SLK: variants seen among roughly 807,000 people sequenced by gnomAD.
SLK encodes the protein STE20 like kinase, also known as STE20-like serine/threonine-protein kinase.
A neutral mutation model predicts 147.7 loss-of-function variants in SLK; 67 were observed. That is an observed-to-expected ratio of 0.45 (90% CI 0.37 to 0.56). The LOEUF (loss-of-function observed/expected upper bound fraction) is 0.56, where lower values mean the gene tolerates loss of function less well. SLK is among the 20% of genes least tolerant of loss of function. The pLI, the probability that SLK is intolerant of heterozygous loss-of-function variation, is 0.00. For synonymous variants in SLK, 441 were observed against 475.0 expected (o/e 0.93, Z 0.93); for missense variants, 1,136 against 1,438.8 (o/e 0.79, Z 3.41).
At chr10:103,987,860 G>C (rs1197290467) in intron 1 of SLK, among the ~76,000 whole-genome samples, 1 of 152,174 alleles carries the variant, frequency 6.6e-6, no homozygotes, top group African/African-American at 2.4e-5. Context: ...AATATGGGGA[G>C]ACTGGAAAGG....
intron 1 of SLK, among the ~76,000 whole-genome samples, chr10:103,971,633 A>G (rs1412260618): frequency 6.6e-6 from 1 of 152,250 alleles, no homozygotes; most frequent in East Asian, 1.9e-4. Flanking sequence ...TATGAATTGA[A>G]TTGCATTTCT....
intron 1 of SLK, among the ~76,000 whole-genome samples, chr10:103,978,565 C>G (rs1200660275): frequency 1.3e-5 from 2 of 151,590 alleles, no homozygotes; most frequent in African/African-American, 2.4e-5. Context: ...TATTTTTTTT[C>G]CTTAAAGAGC....
intron 1 of SLK, among the ~76,000 whole-genome samples, chr10:103,980,405 G>A (rs1017387730): frequency 4.6e-5 from 7 of 152,072 alleles, no homozygotes; most frequent in Admixed American, 2.6e-4. Context: ...AAATACATTC[G>A]TAATGTGCAA....
At chr10:104,014,759 T>G (rs1162753412) in intron 13 of SLK, among the ~76,000 whole-genome samples, 4 of 152,190 alleles carry the variant, frequency 2.6e-5, no homozygotes, top group African/African-American at 9.6e-5. Flanking sequence ...ATGATAAAAT[T>G]GTTTATCCAC....
At chr10:104,020,949 T>G (rs1218233126) in intron 17 of SLK, among the ~76,000 whole-genome samples, 1 of 152,224 alleles carries the variant, frequency 6.6e-6, no homozygotes, top group African/African-American at 2.4e-5. Context: ...TGTCATATTC[T>G]GAATTTTTTG....
chr10:103,986,540 T>G (rs1311406306), intron 1 of SLK, among the ~76,000 whole-genome samples: 1 of 152,190 alleles, frequency 6.6e-6, no homozygotes, highest in Non-Finnish European at 1.5e-5. Flanking sequence ...GAAGCTTTGC[T>G]TACTTGCCTG....
intron 4 of SLK, among the ~76,000 whole-genome samples, chr10:103,996,715 G>A (rs570711302): frequency 5.3e-5 from 8 of 152,134 alleles, no homozygotes; most frequent in South Asian, 2.1e-4. Flanking sequence ...TATTATGCTC[G>A]TACAATATTC....
At chr10:103,977,228 A>G (rs1018860855) in intron 1 of SLK, among the ~76,000 whole-genome samples, 2 of 152,174 alleles carry the variant, frequency 1.3e-5, no homozygotes, top group African/African-American at 2.4e-5. Context: ...AGGTATTTTT[A>G]AATTAGAAAA....
rs1293279332 is a variant in SLK at position 104,019,752 on chromosome 10, C to T, written c.3151C>T (p.Arg1051Cys). The change falls in exon 16 of 19, where the codon CGT becomes TGT. Residue 1051 changes from arginine (R) to cysteine (C), a missense_variant. Coordinates refer to ENST00000369755, the MANE Select transcript of SLK (RefSeq NM_014720.4). ...RHEKETEQMQ[R>C]YNQRLIEELK... ...TTCATAGGAAACAGAGCAAATGCAG[C>T]GTTACAATCAAAGACTTATTGAGGA... is the stretch of plus-strand genomic sequence containing the variant. 4 of 1,613,588 alleles carry T rather than the reference C, an allele frequency of 2.5e-6. No individual in the cohort carries two copies. The highest frequency in any genetic ancestry group is 1.7e-5 in the Admixed American group (1 of 59,980).
At chr10:103,990,136 C>T (rs938342186) in intron 1 of SLK, among the ~76,000 whole-genome samples, 90 of 152,060 alleles carry the variant, frequency 5.9e-4, no homozygotes, top group Non-Finnish European at 8.7e-4. Flanking sequence ...AAAGCAAAAG[C>T]AAAACTATGG....
At chr10:103,979,296 C>T (rs972482309) in intron 1 of SLK, among the ~76,000 whole-genome samples, 9 of 152,308 alleles carry the variant, frequency 5.9e-5, no homozygotes, top group Admixed American at 5.9e-4. Flanking sequence ...GGATTATAGG[C>T]GTGAGCCACC....
intron 4 of SLK, among the ~76,000 whole-genome samples, chr10:103,996,230 T>C (rs867622916): frequency 6.6e-6 from 1 of 152,254 alleles, no homozygotes; most frequent in South Asian, 2.1e-4. Flanking sequence ...GCATCTGAAA[T>C]ATGTTACTCT....
In SLK at chr10:104,002,836, A is replaced by C; in HGVS notation, c.1658A>C (p.Glu553Ala). 1 of 1,614,086 alleles carries C rather than the reference A, an allele frequency of 6.2e-7. No individual in the cohort carries two copies. The highest frequency in any genetic ancestry group is 8.5e-7 in the Non-Finnish European group (1 of 1,179,942). The stretch of plus-strand genomic sequence containing the variant: ...ACAAGTGATGTGATAGGAACATGTG[A>C]GGCAGCAGATGTGGCTCAGAAAGTG... ...SNTSDVIGTCEAADVAQKVDE... is the reference protein window; with the variant it reads ...SNTSDVIGTCAAADVAQKVDE... The change falls in exon 9 of 19, where the codon GAG becomes GCG. Residue 553 changes from glutamate to alanine, a missense_variant. Coordinates refer to ENST00000369755, the MANE Select transcript of SLK (RefSeq NM_014720.4).
At chr10:104,016,285 T>C (rs568467595) in intron 13 of SLK, among the ~76,000 whole-genome samples, 346 of 151,796 alleles carry the variant, frequency 2.3e-3, no homozygotes, top group Non-Finnish European at 3.8e-3. Flanking sequence ...TGCCACTGCA[T>C]TCCAGCCTGG....
chr10:104,000,024 T>G (rs1425310664), intron 7 of SLK, 76 bp downstream of exon 7: 4 of 658,716 alleles, frequency 6.1e-6, no homozygotes, highest in Non-Finnish European at 2.5e-6. Context: ...CAGTGTGCTT[T>G]CTTTCCACTT....
intron 16 of SLK, 30 bp from the exon 17 acceptor site, chr10:104,020,458 C>T (rs751508803): frequency 2.4e-5 from 39 of 1,595,642 alleles, no homozygotes; most frequent in East Asian, 1.1e-4. Context: ...TGCTTCTGAA[C>T]TATAGTTTAT....
intron 7 of SLK, among the ~76,000 whole-genome samples, chr10:104,001,221 TCA>T (rs1053392329): frequency 6.6e-6 from 1 of 152,202 alleles, no homozygotes; most frequent in African/African-American, 2.4e-5. Context: ...TAAATTTGCT[TCA>T]GATTCTTAAA....
chr10:104,004,934 C>G (rs960447792), intron 9 of SLK, among the ~76,000 whole-genome samples: 3 of 152,112 alleles, frequency 2.0e-5, no homozygotes, highest in Non-Finnish European at 4.4e-5. Flanking sequence ...AGCAGAGGCA[C>G]TGTCTTTCTA....
At chr10:104,000,518 CA>C (rs1488928415) in intron 7 of SLK, among the ~76,000 whole-genome samples, 2 of 152,110 alleles carry the variant, frequency 1.3e-5, no homozygotes, top group African/African-American at 4.8e-5. Flanking sequence ...TTGTTGTGTG[CA>C]GCAAGTATAC....
Sources: gnomAD v4.1 joint callset for allele counts (sites outside exome capture counted in the v4.1 genomes callset) on GRCh38, gnomAD v4.1.1 for gene constraint, MANE v1.5 for transcripts, NCBI Gene and HGNC (gene_info 2026-07-23, HGNC 2026-07-21) for gene names.